PCDHGA1: variants seen among roughly 807,000 people sequenced by gnomAD.
PCDHGA1 encodes the protein protocadherin gamma subfamily A, 1.
PCDHGA1 carries 32 observed loss-of-function variants against 58.0 expected under a neutral mutation model. The observed-to-expected ratio is 0.55, with a 90% confidence interval of 0.42 to 0.74. The LOEUF (loss-of-function observed/expected upper bound fraction) is 0.74, where lower values mean the gene tolerates loss of function less well. Among genes scored for constraint, PCDHGA1 ranks in the 30% least tolerant of loss-of-function variants. PCDHGA1 has a pLI of 0.00. For missense variants in PCDHGA1, 1,205 were observed against 1,182.3 expected (o/e 1.02, Z -0.28); for synonymous variants, 498 against 501.1 (o/e 0.99, Z 0.08).
At chr5:141,384,945 C>T in intron 1 of PCDHGA1, 2 of 1,614,120 alleles carry the variant, frequency 1.2e-6, no homozygotes, top group Non-Finnish European at 1.7e-6. Context: ...AGCCCTCCGA[C>T]GGTCCTTACA....
intron 2 of PCDHGA1, 88 bp from the exon 3 acceptor site, chr5:141,505,305 C>G (rs1363643214): frequency 1.0e-5 from 16 of 1,595,104 alleles, no homozygotes; most frequent in African/African-American, 2.7e-5. Flanking sequence ...GGTTAGGGTA[C>G]TAGGTTTGGG....
intron 2 of PCDHGA1, among the ~76,000 whole-genome samples, chr5:141,496,903 A>G (rs990378360): frequency 1.1e-4 from 16 of 150,744 alleles, no homozygotes; most frequent in Non-Finnish European, 2.4e-4. Flanking sequence ...AAAAAAAAAA[A>G]GGCTGGGCAC....
At chr5:141,393,259 G>A in intron 1 of PCDHGA1, 1 of 1,613,874 alleles carries the variant, frequency 6.2e-7, no homozygotes, top group Non-Finnish European at 8.5e-7. Context: ...GCGGTTCCTG[G>A]AGCACGTTAT....
At chr5:141,498,921 AG>A (rs1289139995) in intron 2 of PCDHGA1, among the ~76,000 whole-genome samples, 1 of 140,074 alleles carries the variant, frequency 7.1e-6, no homozygotes, top group Non-Finnish European at 1.6e-5. Flanking sequence ...TGACAGAGCG[AG>A]ACTCCATCAG....
chr5:141,394,865 G>T (rs2093117021), intron 1 of PCDHGA1: 1 of 1,613,816 alleles, frequency 6.2e-7, no homozygotes, highest in Non-Finnish European at 8.5e-7. Flanking sequence ...CGGTCGACCC[G>T]AACGATTCGA....
chr5:141,419,140 G>C, intron 1 of PCDHGA1: 1 of 1,613,868 alleles, frequency 6.2e-7, no homozygotes, highest in Non-Finnish European at 8.5e-7. Flanking sequence ...CCACAGACAG[G>C]GGCAAGCCTC....
At chr5:141,400,766 C>T in intron 1 of PCDHGA1, 1 of 577,074 alleles carries the variant, frequency 1.7e-6, no homozygotes, top group South Asian at 2.3e-5. Context: ...CTAGCAAAAA[C>T]ATTTGGTGCG....
In PCDHGA1 at chr5:141,376,300, C is replaced by G. The variant is rs202008607; in HGVS notation, c.2421+43195C>G. 1.3e-4 allele frequency: 204 copies of G among 1,614,218 alleles called. 1 individual carries two copies. The Middle Eastern group carries it at 1.7e-3, about 13-fold the overall frequency. On this transcript the variant is annotated intron_variant, in intron 1 of 3. Coordinates refer to ENST00000517417, the MANE Select transcript of PCDHGA1 (RefSeq NM_018912.3). ...GCTTAGCGAGCATGCCCGGCTCGCA[C>G]TTTGTGGGCGTGGAAGGGGTTCGGG...
At chr5:141,390,505 A>T in intron 1 of PCDHGA1, 1 of 600,954 alleles carries the variant, frequency 1.7e-6, no homozygotes, top group South Asian at 2.1e-5. Context: ...CCAAGCTTAG[A>T]TTTATAAAGC....
intron 1 of PCDHGA1, chr5:141,421,898 A>T: frequency 6.2e-7 from 1 of 1,613,736 alleles, no homozygotes; most frequent in Non-Finnish European, 8.5e-7. Flanking sequence ...CCCATCCGAA[A>T]GGGCGCAGTT....
intron 1 of PCDHGA1, chr5:141,357,289 G>T: frequency 6.2e-7 from 1 of 1,613,960 alleles, no homozygotes; most frequent in Middle Eastern, 1.6e-4. Flanking sequence ...CGTGGTGGCA[G>T]TGGCCGCTGT....
chr5:141,372,224 G>C (rs766861746), intron 1 of PCDHGA1: 25 of 1,613,414 alleles, frequency 1.5e-5, no homozygotes, highest in Non-Finnish European at 2.0e-5. Flanking sequence ...ACATTGTGCA[G>C]GCCAGCGAGC....
At chr5:141,366,655 C>G in intron 1 of PCDHGA1, 2 of 1,614,220 alleles carry the variant, frequency 1.2e-6, no homozygotes, top group Non-Finnish European at 1.7e-6. Context: ...AGCCCAACTA[C>G]GCAGACACGC....
At chr5:141,360,197 T>C (rs777545270) in intron 1 of PCDHGA1, 1 of 1,612,462 alleles carries the variant, frequency 6.2e-7, no homozygotes, top group South Asian at 1.1e-5. Context: ...TTGCCCTTCC[T>C]GTTGTCTTTG....
At chr5:141,404,248 G>A in intron 1 of PCDHGA1, 2 of 1,613,812 alleles carry the variant, frequency 1.2e-6, no homozygotes, top group African/African-American at 2.7e-5. Flanking sequence ...CTCCGCCCCT[G>A]TCCACAGAAA....
At chr5:141,397,462 G>A (rs1415733475) in intron 1 of PCDHGA1, among the ~76,000 whole-genome samples, 1 of 152,152 alleles carries the variant, frequency 6.6e-6, no homozygotes, top group Non-Finnish European at 1.5e-5. Context: ...TAGAAATATT[G>A]GGGAGTTGGA....
chr5:141,390,764 G>T, intron 1 of PCDHGA1: 2 of 165,996 alleles, frequency 1.2e-5, no homozygotes, highest in Non-Finnish European at 2.6e-5. Flanking sequence ...TTTGTTTCCT[G>T]TGTTAACTTC....
intron 1 of PCDHGA1, chr5:141,418,478 G>A (rs777772131): frequency 1.2e-6 from 2 of 1,613,858 alleles, no homozygotes; most frequent in Non-Finnish European, 1.7e-6. Flanking sequence ...AACGCAGAGC[G>A]CTCACCACTT....
chr5:141,344,074 C>G (rs768383446), intron 1 of PCDHGA1: 3 of 1,608,972 alleles, frequency 1.9e-6, no homozygotes, highest in African/African-American at 1.3e-5. Context: ...AGAGGACTGG[C>G]CCTGCTGTGC....
Sources: allele counts gnomAD v4.1 joint callset (sites outside exome capture counted in the v4.1 genomes callset), GRCh38; gene constraint gnomAD v4.1.1; transcripts MANE v1.5; gene names NCBI Gene and HGNC (gene_info 2026-07-23, HGNC 2026-07-21).